CEMIP2: variants seen among roughly 807,000 people sequenced by gnomAD.
CEMIP2 encodes cell migration inducing hyaluronidase 2, also known as cell surface hyaluronidase CEMIP2.
Under a neutral mutation model 146.9 loss-of-function variants are expected in CEMIP2, and 79 were observed. The ratio of observed to expected loss-of-function variants is 0.54; its 90% confidence interval spans 0.45 to 0.65. The LOEUF (loss-of-function observed/expected upper bound fraction) is 0.65. Among genes scored for constraint, CEMIP2 ranks in the 30% least tolerant of loss-of-function variants. CEMIP2 has a pLI of 0.00. For synonymous variants in CEMIP2, 601 were observed against 606.3 expected (o/e 0.99, Z 0.13); for missense variants, 1,596 against 1,696.2 (o/e 0.94, Z 1.04).
intron 2 of CEMIP2, among the ~76,000 whole-genome samples, chr9:71,746,977 A>T (rs1824109014): frequency 6.6e-6 from 1 of 152,246 alleles, no homozygotes; most frequent in South Asian, 2.1e-4. Context: ...ATTACTTAGC[A>T]AGCTGAGTGA....
rs1589162682 is a variant in CEMIP2, at chr9:71,747,651, T to C, written c.332-1310A>G. 3.3e-5 allele frequency among the ~76,000 whole-genome samples: 5 copies of C among 152,278 alleles called. No individual in the cohort carries two copies. In the South Asian group the frequency reaches 8.3e-4, roughly 25 times the overall value. On this transcript the variant is annotated intron_variant, in intron 2 of 23. Transcript: ENST00000377044. ...CTTTCATTAAGGTGGCAGGTACATG[T>C]TTAGGAATAACAAGAGAAAAAGTAG...
intron 20 of CEMIP2, among the ~76,000 whole-genome samples, chr9:71,695,739 T>C (rs1198918703): frequency 6.6e-6 from 1 of 152,128 alleles, no homozygotes; most frequent in Non-Finnish European, 1.5e-5. Context: ...GGTAGTTCTT[T>C]GAAGTCTCCA....
At chr9:71,697,853 C>A (rs1279921792) in intron 20 of CEMIP2, 132 bp downstream of exon 20, 1 of 927,350 alleles carries the variant, frequency 1.1e-6, no homozygotes, top group East Asian at 2.7e-5. Flanking sequence ...TTAGCATGGG[C>A]CAAAATTCAG....
chr9:71,769,464 C>A (rs560899063), upstream of CEMIP2, among the ~76,000 whole-genome samples: 16 of 152,360 alleles, frequency 1.1e-4, no homozygotes, highest in African/African-American at 3.8e-4. Flanking sequence ...TTGGAGCAAC[C>A]CCAGCATCCC....
chr9:71,742,518 A>G (rs553168559), intron 4 of CEMIP2, among the ~76,000 whole-genome samples: 3 of 152,352 alleles, frequency 2.0e-5, no homozygotes, highest in East Asian at 3.9e-4. Context: ...AGATAACGTC[A>G]ATGCAATGGA....
rs1415530983 is a variant in CEMIP2 at position 71,714,399 on chromosome 9, T to A, written c.2591+535A>T. ...GATGACAGAAAACATGCCAAGAGCC[T>A]ACCCCATTCCCTTCAACATCTAAAC... On this transcript the variant is annotated intron_variant, in intron 15 of 23. Coordinates refer to ENST00000377044, the MANE Select transcript of CEMIP2 (RefSeq NM_013390.3). 6.1e-5 allele frequency among the ~76,000 whole-genome samples: 8 copies of A among 131,274 alleles called. No homozygotes were observed. The East Asian group carries it at 1.8e-3, about 30-fold the overall frequency. 86.1% of individuals were successfully genotyped at this position (131,274 alleles called of 152,430 possible). A position where few individuals can be genotyped will look rare whatever the true frequency, so the allele number is the denominator to read the frequency against.
chr9:71,719,278 AGGCAG>A (rs1823159535), intron 12 of CEMIP2, among the ~76,000 whole-genome samples: 1 of 152,230 alleles, frequency 6.6e-6, no homozygotes, highest in South Asian at 2.1e-4. Context: ...ATGATGGCAG[AGGCAG>A]CTATCGAGAG....
intron 22 of CEMIP2, chr9:71,687,462 C>CTCTGTG (rs148162501): frequency 7.1e-6 from 1 of 141,328 alleles, no homozygotes; most frequent in Admixed American, 6.9e-5. Context: ...TATTTATTTT[C>CTCTGTG]TGTGTGTGTG....
intron 1 of CEMIP2, among the ~76,000 whole-genome samples, chr9:71,752,483 GGA>G (rs1194403073): frequency 7.6e-6 from 1 of 131,298 alleles, no homozygotes; most frequent in African/African-American, 2.6e-5. Flanking sequence ...GAAGGAAGGG[GGA>G]GGGAAGGAGG....
chr9:71,732,604 C>T, intron 6 of CEMIP2, 84 bp from the exon 7 acceptor site: 7 of 1,301,094 alleles, frequency 5.4e-6, no homozygotes, highest in Non-Finnish European at 7.1e-6. Flanking sequence ...CTCTTCATTC[C>T]ATAACCCCAA....
At chr9:71,710,572 A>G (rs776107068) in intron 16 of CEMIP2, among the ~76,000 whole-genome samples, 13 of 152,242 alleles carry the variant, frequency 8.5e-5, no homozygotes, top group Non-Finnish European at 1.9e-4. Context: ...AGACTGGATG[A>G]ACTGCTGGAC....
intron 22 of CEMIP2, among the ~76,000 whole-genome samples, chr9:71,688,902 T>C (rs1349943999): frequency 2.0e-5 from 3 of 152,206 alleles, no homozygotes; most frequent in South Asian, 2.1e-4. Flanking sequence ...TTTGTTAAAA[T>C]GTTACACACA....
Position 71,700,762 on chromosome 9 carries a change from C to A in CEMIP2, c.3257G>T (p.Gly1086Val). ...PSNTSFQVTFGYLQRQNGSLS... is the reference protein window; with the variant it reads ...PSNTSFQVTFVYLQRQNGSLS... ...TGAGCCATTCTGCCGCTGCAAATAG[C>A]CAAAGGTAACTTGAAAACTTGTGTT... Residue 1086 changes from glycine (G) to valine (V), a missense_variant, in exon 19 of 24, where the codon GGC (glycine) becomes GTC (valine). Transcript: ENST00000377044. 6.2e-7 allele frequency: 1 copy of A among 1,614,058 alleles called. No homozygotes were observed.
chr9:71,725,783 T>C, intron 10 of CEMIP2, 74 bp from the exon 11 acceptor site: 1 of 1,473,296 alleles, frequency 6.8e-7, no homozygotes, highest in Non-Finnish European at 9.1e-7. Context: ...ATAAACTAAC[T>C]TCTTCATCAG....
In CEMIP2 at chr9:71,766,072, C is replaced by A. The variant is rs199709506; in HGVS notation, c.-13+2285G>T. On this transcript the variant is annotated intron_variant, in intron 1 of 23. Transcript: ENST00000377044. The stretch of plus-strand genomic sequence containing the variant: ...GTGATTATTGTTTCTTCTTTTTTTT[C>A]TTTTTTTTTTTTTCAGATGGAGTCT... Among the ~76,000 whole-genome samples the A allele has an allele frequency of 3.0e-4, 43 of 142,114 alleles. 2 individuals carry two copies. The highest frequency in any genetic ancestry group is 1.1e-4 in the Non-Finnish European group (7 of 64,878). 93.2% of individuals were successfully genotyped at this position (142,114 alleles called of 152,430 possible). A position where few individuals can be genotyped will look rare whatever the true frequency, so the allele number is the denominator to read the frequency against.
At chr9:71,717,104 T>G (rs1467666081) in intron 13 of CEMIP2, among the ~76,000 whole-genome samples, 1 of 152,102 alleles carries the variant, frequency 6.6e-6, no homozygotes. Flanking sequence ...CATAGAAAGT[T>G]GAGGCTGCAG....
chr9:71,751,857 T>C (rs1255868242), intron 1 of CEMIP2, among the ~76,000 whole-genome samples: 2 of 152,216 alleles, frequency 1.3e-5, no homozygotes. Flanking sequence ...TAAGTATTAC[T>C]ATCTGTGTTA....
At chr9:71,705,305 A>C (rs939114824) in intron 17 of CEMIP2, among the ~76,000 whole-genome samples, 19 of 152,210 alleles carry the variant, frequency 1.2e-4, no homozygotes, top group Admixed American at 7.2e-4. Flanking sequence ...AAAAAAAAAA[A>C]GTTATAAAGT....
In CEMIP2 at chr9:71,719,678, T is replaced by C. The variant is rs966099451; in HGVS notation, c.2268-1599A>G. Among the ~76,000 whole-genome samples the C allele has an allele frequency of 3.3e-5, 5 of 151,968 alleles. No homozygotes were observed. The East Asian group carries it at 9.7e-4, about 29-fold the overall frequency. The stretch of plus-strand genomic sequence containing the variant: ...CCATCTTTAGATTATATGGCCCAAG[T>C]CCCTTTACCCTAACTAGCTCTGACT... On this transcript the variant is annotated intron_variant, in intron 12 of 23. Transcript: ENST00000377044.
Sources: allele counts gnomAD v4.1 joint callset (sites outside exome capture counted in the v4.1 genomes callset), GRCh38; gene constraint gnomAD v4.1.1; transcripts MANE v1.5; gene names NCBI Gene and HGNC (gene_info 2026-07-23, HGNC 2026-07-21).